The following ZNF385D variants were observed in gnomAD, a reference collection of about 807,000 sequenced individuals.
ZNF385D encodes zinc finger protein 385D.
A neutral mutation model predicts 35.8 loss-of-function variants in ZNF385D; 15 were observed. That is an observed-to-expected ratio of 0.42 (90% CI 0.28 to 0.64). The LOEUF (loss-of-function observed/expected upper bound fraction) is 0.64, where lower values mean the gene tolerates loss of function less well. ZNF385D is among the 30% of genes least tolerant of loss of function. The probability of loss-of-function intolerance (pLI) is 0.23; values close to 1 mark genes in which losing one functional copy is unlikely to be tolerated. For missense variants in ZNF385D, 474 were observed against 494.6 expected (o/e 0.96, Z 0.39); for synonymous variants, 212 against 186.8 (o/e 1.13, Z -1.10).
chr3:22,371,837 T>C (rs1377190690), intron 2 of ZNF385D, among the ~76,000 whole-genome samples: 1 of 152,110 alleles, frequency 6.6e-6, no homozygotes, highest in Non-Finnish European at 1.5e-5. Flanking sequence ...TCAAAGTGAT[T>C]TCCTTGGAGG....
chr3:22,019,573 A>T (rs1262103305), intron 3 of ZNF385D, among the ~76,000 whole-genome samples: 4 of 151,986 alleles, frequency 2.6e-5, no homozygotes, highest in Non-Finnish European at 5.9e-5. Context: ...AGACTAATTT[A>T]AAAAATCCTT....
chr3:22,365,191 A>G (rs1486588993), intron 2 of ZNF385D, among the ~76,000 whole-genome samples: 2 of 152,054 alleles, frequency 1.3e-5, no homozygotes, highest in East Asian at 3.9e-4. Flanking sequence ...TTGCACAACA[A>G]TATGAATGTA....
At chr3:21,836,575 T>C (rs753220413) in intron 3 of ZNF385D, among the ~76,000 whole-genome samples, 62 of 152,050 alleles carry the variant, frequency 4.1e-4, no homozygotes, top group Middle Eastern at 6.3e-3. Flanking sequence ...AGGAGCCAGA[T>C]AGATAGTAAG....
At chr3:22,149,409 A>T (rs1705081662) in intron 3 of ZNF385D, among the ~76,000 whole-genome samples, 1 of 152,152 alleles carries the variant, frequency 6.6e-6, no homozygotes, top group South Asian at 2.1e-4. Context: ...ATTGCTTCTG[A>T]TATGTTATTT....
intron 2 of ZNF385D, among the ~76,000 whole-genome samples, chr3:22,198,883 G>A (rs139131771): frequency 4.6e-5 from 7 of 151,994 alleles, no homozygotes; most frequent in Admixed American, 1.3e-4. Context: ...TATTCCCCTC[G>A]TGATACACAT....
chr3:21,669,645 G>A (rs962912404), intron 1 of ZNF385D, among the ~76,000 whole-genome samples: 1 of 152,116 alleles, frequency 6.6e-6, no homozygotes, highest in Non-Finnish European at 1.5e-5. Flanking sequence ...GTTGTCAGTG[G>A]AAATTTACTG....
chr3:21,558,668 C>T (rs538095457), intron 3 of ZNF385D, among the ~76,000 whole-genome samples: 11 of 152,176 alleles, frequency 7.2e-5, no homozygotes, highest in Admixed American at 1.3e-4. Flanking sequence ...CTATTGGGCC[C>T]GCTTGGCCCA....
At chr3:22,079,322 T>A (rs1032817006) in intron 3 of ZNF385D, among the ~76,000 whole-genome samples, 1 of 151,974 alleles carries the variant, frequency 6.6e-6, no homozygotes, top group African/African-American at 2.4e-5. Flanking sequence ...AAGGTGTTAC[T>A]GAAAAATATA....
chr3:22,253,798 G>A (rs943248787), intron 2 of ZNF385D, among the ~76,000 whole-genome samples: 2 of 151,404 alleles, frequency 1.3e-5, no homozygotes. Context: ...TAGTACAAGA[G>A]TAGCCAAACA....
chr3:21,611,849 C>G (rs2064689175), intron 2 of ZNF385D, among the ~76,000 whole-genome samples: 1 of 151,860 alleles, frequency 6.6e-6, no homozygotes, highest in African/African-American at 2.4e-5. Flanking sequence ...GACCTGAGCA[C>G]CTTGACTGGA....
At chr3:21,642,777 G>T (rs2065644058) in intron 2 of ZNF385D, among the ~76,000 whole-genome samples, 1 of 152,090 alleles carries the variant, frequency 6.6e-6, no homozygotes. Context: ...TAAAATGAAA[G>T]AAATTTTGAC....
chr3:22,141,407 A>G (rs1257520195), intron 3 of ZNF385D, among the ~76,000 whole-genome samples: 2 of 152,234 alleles, frequency 1.3e-5, no homozygotes, highest in African/African-American at 4.8e-5. Flanking sequence ...AAGAATATGA[A>G]TTGTTTTCAC....
intron 4 of ZNF385D, among the ~76,000 whole-genome samples, chr3:21,439,081 C>A (rs879504765): frequency 6.6e-6 from 1 of 151,764 alleles, no homozygotes; most frequent in Admixed American, 6.6e-5. Flanking sequence ...AGCTAATTTG[C>A]GAAGTGTTTT....
rs544984550 is a variant in ZNF385D at position 22,208,182 on chromosome 3, C to A, written c.107-39147G>T. On this transcript the variant is annotated intron_variant, in intron 2 of 5. Transcript: ENST00000494108. ...ATTTATAATAGCCAATATTTGAAAACAATCTAAGTGTCCATCAAGACTCAA... is the reference window on the plus strand; with the variant it reads ...ATTTATAATAGCCAATATTTGAAAAAAATCTAAGTGTCCATCAAGACTCAA... 2.7e-3 allele frequency among the ~76,000 whole-genome samples: 408 copies of A among 151,928 alleles called. 2 individuals are homozygous for A. Among genetic ancestry groups the A allele is most frequent in the African/African-American group, 8.3e-3 (344 of 41,490 alleles).
At chr3:22,008,862 T>C (rs1427069566) in intron 3 of ZNF385D, among the ~76,000 whole-genome samples, 1 of 152,170 alleles carries the variant, frequency 6.6e-6, no homozygotes, top group Non-Finnish European at 1.5e-5. Flanking sequence ...TGAAGAATTG[T>C]AAATGTTGCT....
At chr3:22,182,030 G>T (rs773012538) in intron 2 of ZNF385D, among the ~76,000 whole-genome samples, 16 of 151,976 alleles carry the variant, frequency 1.1e-4, no homozygotes, top group East Asian at 1.9e-4. Context: ...CCAGTTGAAC[G>T]ATAGATGAAA....
intron 4 of ZNF385D, among the ~76,000 whole-genome samples, chr3:21,463,899 T>C (rs1703338781): frequency 6.6e-6 from 1 of 152,130 alleles, no homozygotes; most frequent in Non-Finnish European, 1.5e-5. Context: ...CCTCAGTTTT[T>C]TTTTTTCATA....
chr3:21,536,667 T>C lies in ZNF385D; in HGVS notation c.277-25644A>G, dbSNP rs150916890. ...AAACAGGCAAAAATTTTTGCCCTTATAGAGCTTACCTTCTAATTGGAGTTG... is the reference window on the plus strand; with the variant it reads ...AAACAGGCAAAAATTTTTGCCCTTACAGAGCTTACCTTCTAATTGGAGTTG... On this transcript the variant is annotated intron_variant, in intron 3 of 7. Transcript: ENST00000281523. Among the ~76,000 whole-genome samples, 509 of 152,170 alleles carry C rather than the reference T, an allele frequency of 3.3e-3. 1 individual carries two copies. The highest frequency in any genetic ancestry group is 5.7e-3 in the Non-Finnish European group (387 of 68,022).
chr3:22,138,069 G>T (rs1487211673), intron 3 of ZNF385D, among the ~76,000 whole-genome samples: 3 of 152,082 alleles, frequency 2.0e-5, no homozygotes, highest in Non-Finnish European at 4.4e-5. Flanking sequence ...ATTCACAGTT[G>T]CTTCAAAGAG....
Sources: allele counts gnomAD v4.1 joint callset (sites outside exome capture counted in the v4.1 genomes callset), GRCh38; gene constraint gnomAD v4.1.1; transcripts MANE v1.5; gene names NCBI Gene and HGNC (gene_info 2026-07-23, HGNC 2026-07-21).